The following AWAT2 variants were observed in gnomAD, a reference collection of about 807,000 sequenced individuals.
The protein encoded by AWAT2 is 11-cis-RE-synthase.
AWAT2 carries 9 observed loss-of-function variants against 22.3 expected under a neutral mutation model. The ratio of observed to expected loss-of-function variants is 0.40; its 90% CI spans 0.24 to 0.70. The LOEUF is 0.70. AWAT2 is among the 30% of genes least tolerant of loss of function. The pLI, the probability that AWAT2 is intolerant of heterozygous loss-of-function variation, is 0.36. For missense variants in AWAT2, 217 were observed against 265.9 expected (o/e 0.82, Z 1.28); for synonymous variants, 100 against 93.4 (o/e 1.07, Z -0.40).
chrX:70,042,462 A>G (rs1194466643), intron 5 of AWAT2, 76 bp from the exon 6 acceptor site: 1 of 1,012,185 alleles, frequency 9.9e-7, no homozygotes, highest in African/African-American at 1.9e-5. Context: ...CTGACGGCGC[A>G]TGATCCCTGG....
At chrX:70,041,747 CCTGTT>C (rs2147525355) in intron 7 of AWAT2, 21 bp downstream of exon 7, 10 of 1,152,912 alleles carry the variant, frequency 8.7e-6, no homozygotes, top group Non-Finnish European at 9.4e-6. Flanking sequence ...CTTTTGTCCT[CCTGTT>C]CTCACTGGGT....
chrX:70,042,800 C>T (rs988810822), intron 5 of AWAT2: 17 of 389,007 alleles, frequency 4.4e-5, no homozygotes, highest in Non-Finnish European at 7.0e-5. Context: ...TGGCCCTCTG[C>T]CCATTCTGCT....
chrX:70,044,479 C>A lies in AWAT2; in HGVS notation c.86-17G>T. ...CAGTGGTTGCTGCAGGAAGCCCAGA[C>A]CAGAGTTAATGAATTTCAAGCAGTC... On this transcript the variant is annotated splice_polypyrimidine_tract_variant and intron_variant, in intron 1 of 7. Coordinates refer to ENST00000276101, the MANE Select transcript of AWAT2 (RefSeq NM_001002254.1). 1 of 1,206,096 alleles carries A rather than the reference C, an allele frequency of 8.3e-7. No homozygotes were observed. Among genetic ancestry groups the A allele is most frequent in the Non-Finnish European group, 1.1e-6 (1 of 892,661 alleles).
At chrX:70,042,686 C>T in intron 5 of AWAT2, 1 of 418,228 alleles carries the variant, frequency 2.4e-6, no homozygotes, top group Non-Finnish European at 4.2e-6. Flanking sequence ...CACTTTAACA[C>T]AAGCTAAGCT....
Position 70,043,101 on chromosome X carries a change from C to A in AWAT2, c.615G>T (p.Arg205=). 1 of 1,196,398 alleles carries A rather than the reference C, an allele frequency of 8.4e-7. No individual in the cohort carries two copies. The highest frequency in any genetic ancestry group is 1.1e-6 in the Non-Finnish European group (1 of 887,645). Residue 205 remains arginine (R), a synonymous_variant, in exon 5 of 8, where the codon CGG becomes CGT. Transcript: ENST00000276101. The stretch of plus-strand genomic sequence containing the variant: ...GAAGGGCCATGCGCACAAAGCCAGA[C>A]CGGTTCTTCAACACCAGGGTAGAAG... ...PGSSTLVLKN[R]SGFVRMALQH... is the part of the protein sequence containing the mutation.
chrX:70,048,806 C>T (rs2020380108), intron 1 of AWAT2, among the ~76,000 whole-genome samples: 1 of 111,470 alleles, frequency 9.0e-6, no homozygotes, highest in Non-Finnish European at 1.9e-5. Flanking sequence ...CATTTTGCAG[C>T]GACACAATTT....
intron 1 of AWAT2, among the ~76,000 whole-genome samples, chrX:70,049,424 G>A (rs111601445): frequency 0.053 from 5,938 of 111,190 alleles, 380 homozygotes; most frequent in African/African-American, 0.18. Flanking sequence ...CCAGAGCCTC[G>A]GTCTGCCACC....
At chrX:70,041,731 A>C in intron 7 of AWAT2, 42 bp downstream of exon 7, 2 of 1,055,757 alleles carry the variant, frequency 1.9e-6, no homozygotes, top group Non-Finnish European at 2.6e-6. Flanking sequence ...GGAGCCTGAT[A>C]GGTGACTTTT....
Position 70,044,475 on chromosome X carries a change from C to T in AWAT2, c.86-13G>A. On this transcript the variant is annotated splice_polypyrimidine_tract_variant and intron_variant, in intron 1 of 7. Transcript: ENST00000276101. ...ATCACAGTGGTTGCTGCAGGAAGCC[C>T]AGACCAGAGTTAATGAATTTCAAGC... 1 of 1,207,166 alleles carries T rather than the reference C, an allele frequency of 8.3e-7. No individual in the cohort carries two copies. The highest frequency in any genetic ancestry group is 1.1e-6 in the Non-Finnish European group (1 of 893,224).
rs749685250 is a variant in AWAT2 at position 70,041,880 on chromosome X, G to A, written c.930C>T (p.Ala310=). The A allele has an allele frequency of 5.0e-5, 60 of 1,208,353 alleles. No homozygotes were observed. In the East Asian group the frequency reaches 1.7e-3, roughly 34 times the overall value. The stretch of plus-strand genomic sequence containing the variant: ...TATGCTGGTCAAACAGTTTACGTAG[G>A]GCATCAATATAGAGTGTGTGATATT... ...VAKYHTLYID[A]LRKLFDQHKT... is the part of the protein sequence containing the mutation. The change falls in exon 7 of 8, where the codon GCC becomes GCT. Residue 310 remains alanine, a synonymous_variant. Coordinates refer to ENST00000276101, the MANE Select transcript of AWAT2 (RefSeq NM_001002254.1).
intron 3 of AWAT2, 62 bp downstream of exon 3, chrX:70,043,864 C>T (rs1034756771): frequency 2.7e-6 from 3 of 1,125,550 alleles, no homozygotes; most frequent in Non-Finnish European, 3.6e-6. Context: ...TAGCCTGACC[C>T]AACTGCTAGC....
chrX:70,041,794 A>T lies in AWAT2; in HGVS notation c.*14T>A. On this transcript the variant is annotated 3_prime_UTR_variant, in exon 7 of 8. Transcript: ENST00000276101. ...ATACCTTCCAGCCAGGGTGAAGGCT[A>T]CTGGGGATGTCTGTCAAATTATCTC... 1 of 1,209,285 alleles carries T rather than the reference A, an allele frequency of 8.3e-7. No individual in the cohort carries two copies. Among genetic ancestry groups the T allele is most frequent in the East Asian group, 3.0e-5 (1 of 33,781 alleles).
chrX:70,049,115 C>G (rs2020381658), intron 1 of AWAT2, among the ~76,000 whole-genome samples: 1 of 111,726 alleles, frequency 9.0e-6, no homozygotes, highest in African/African-American at 3.3e-5. Context: ...GTAAGGAATG[C>G]CCACCCTTCC....
Position 70,041,551 on chromosome X carries a change from C to A in AWAT2, c.*107G>T. Reference sequence around the variant, plus strand: ...CTGGCACCAAAGTGCCGTCAGGGCACCTCTCCCCTAGGCTCTTCCCTGTTT... The same window carrying A: ...CTGGCACCAAAGTGCCGTCAGGGCAACTCTCCCCTAGGCTCTTCCCTGTTT... On this transcript the variant is annotated 3_prime_UTR_variant, in exon 8 of 8. Transcript: ENST00000276101. 1 of 317,837 alleles carries A rather than the reference C, an allele frequency of 3.1e-6. No individual in the cohort carries two copies. Among genetic ancestry groups the A allele is most frequent in the Non-Finnish European group, 5.4e-6 (1 of 183,952 alleles). 26.2% of individuals were successfully genotyped at this position (317,837 alleles called of 1,213,427 possible).
Position 70,043,066 on chromosome X carries a change from T to C in AWAT2, c.647+3A>G. 8.4e-7 allele frequency: 1 copy of C among 1,186,845 alleles called. No homozygotes were observed. Among genetic ancestry groups the C allele is most frequent in the Non-Finnish European group, 1.1e-6 (1 of 882,942 alleles). On this transcript the variant is annotated splice_donor_region_variant and intron_variant, in intron 5 of 7. Transcript: ENST00000276101. ...CGCCAGCCTGGACTGGAGCTGTCCTTACCCATGCTGAAGGGCCATGCGCAC... is the reference window on the plus strand; with the variant it reads ...CGCCAGCCTGGACTGGAGCTGTCCTCACCCATGCTGAAGGGCCATGCGCAC...
intron 1 of AWAT2, among the ~76,000 whole-genome samples, chrX:70,046,684 C>T (rs755246161): frequency 9.0e-6 from 1 of 111,261 alleles, no homozygotes; most frequent in Non-Finnish European, 1.9e-5. Context: ...GGATTATAGA[C>T]GTGAGCCGCC....
At chrX:70,046,553 C>T (rs373881871) in intron 1 of AWAT2, among the ~76,000 whole-genome samples, 3 of 110,744 alleles carry the variant, frequency 2.7e-5, no homozygotes, top group South Asian at 3.8e-4. Flanking sequence ...TACAGGTGCA[C>T]GCCACCATGC....
chrX:70,042,097 C>A, intron 6 of AWAT2, 90 bp downstream of exon 6: 1 of 1,100,055 alleles, frequency 9.1e-7, no homozygotes, highest in South Asian at 2.1e-5. Flanking sequence ...GCCAGCCTCC[C>A]TGCCTCTGAG....
chrX:70,044,150 A>G (rs989132710), intron 2 of AWAT2, among the ~76,000 whole-genome samples, 154 bp from the exon 3 acceptor site: 4 of 111,848 alleles, frequency 3.6e-5, no homozygotes, highest in African/African-American at 9.8e-5. Flanking sequence ...CTGCTTCACT[A>G]GCTGCCCCTC....
Sources: allele counts gnomAD v4.1 joint callset (sites outside exome capture counted in the v4.1 genomes callset), GRCh38; gene constraint gnomAD v4.1.1; transcripts MANE v1.5; gene names NCBI Gene and HGNC (gene_info 2026-07-23, HGNC 2026-07-21).